NREP: variants seen among roughly 807,000 people sequenced by gnomAD.
The protein encoded by NREP is neuronal regeneration-related protein.
In NREP, 5 loss-of-function variants were observed where a neutral mutation model predicts 8.6. That is an observed-to-expected ratio of 0.58 (90% CI 0.30 to 1.22). The LOEUF is 1.22. Among genes scored for constraint, NREP ranks in the 50% most tolerant of loss-of-function variants. The pLI, the probability that NREP is intolerant of heterozygous loss-of-function variation, is 0.07. For missense variants in NREP, 86 were observed against 82.5 expected, an observed-to-expected ratio of 1.04 and a Z score of -0.17; for synonymous variants, 27 against 28.0, an observed-to-expected ratio of 0.96 and a Z score of 0.11.
chr5:111,756,569 C>G (rs1340787381), intron 1 of NREP, among the ~76,000 whole-genome samples: 1 of 152,070 alleles, frequency 6.6e-6, no homozygotes, highest in Non-Finnish European at 1.5e-5. Flanking sequence ...AAATGCACAT[C>G]AGATTATTAT....
chr5:111,895,458 G>GA (rs1204710959), intron 2 of NREP, among the ~76,000 whole-genome samples: 2 of 151,892 alleles, frequency 1.3e-5, no homozygotes, highest in East Asian at 3.9e-4. Context: ...CAGTGCCATG[G>GA]AAAAAAAATT....
chr5:111,790,946 A>T (rs962468507), intron 2 of NREP, among the ~76,000 whole-genome samples: 1 of 152,184 alleles, frequency 6.6e-6, no homozygotes, highest in Non-Finnish European at 1.5e-5. Flanking sequence ...ATGTGGGTTC[A>T]GCAGGGCCAA....
intron 2 of NREP, among the ~76,000 whole-genome samples, chr5:111,892,190 A>G (rs1364469985): frequency 6.6e-6 from 1 of 152,248 alleles, no homozygotes; most frequent in Non-Finnish European, 1.5e-5. Context: ...GCATATGAAT[A>G]CATTACTATG....
chr5:111,964,125 T>C (rs1470908571), intron 2 of NREP, among the ~76,000 whole-genome samples: 2 of 152,234 alleles, frequency 1.3e-5, no homozygotes, highest in Non-Finnish European at 2.9e-5. Flanking sequence ...ATGTATGTAA[T>C]AGCCGTTCCC....
intron 2 of NREP, among the ~76,000 whole-genome samples, chr5:111,763,783 T>C (rs1304023333): frequency 1.3e-5 from 2 of 152,378 alleles, no homozygotes; most frequent in Admixed American, 6.5e-5. Flanking sequence ...TGTTTGTGTG[T>C]GCGCGCACGC....
intron 2 of NREP, among the ~76,000 whole-genome samples, chr5:111,747,394 T>C (rs566292477): frequency 6.6e-6 from 1 of 152,298 alleles, no homozygotes; most frequent in African/African-American, 2.4e-5. Context: ...GTTCAGCCAC[T>C]GGACTGTAGT....
At chr5:111,904,746 T>C (rs1193126403) in intron 2 of NREP, among the ~76,000 whole-genome samples, 1 of 152,108 alleles carries the variant, frequency 6.6e-6, no homozygotes, top group African/African-American at 2.4e-5. Flanking sequence ...GCTATCTAAA[T>C]AAAGACAGCA....
chr5:111,866,777 A>T (rs1753674533), intron 2 of NREP, among the ~76,000 whole-genome samples: 1 of 152,138 alleles, frequency 6.6e-6, no homozygotes, highest in African/African-American at 2.4e-5. Flanking sequence ...TGGATTAAGA[A>T]AATGTGGCAC....
intron 2 of NREP, among the ~76,000 whole-genome samples, chr5:111,861,584 G>A (rs1418609365): frequency 2.0e-5 from 3 of 152,078 alleles, no homozygotes; most frequent in African/African-American, 7.2e-5. Flanking sequence ...AAACATTACT[G>A]TGTCATTTTA....
chr5:111,875,951 A>G (rs1018968998), intron 2 of NREP, among the ~76,000 whole-genome samples: 4 of 152,336 alleles, frequency 2.6e-5, no homozygotes, highest in South Asian at 2.1e-4. Flanking sequence ...GGTTTTATAC[A>G]TGAGCTGGTG....
intron 2 of NREP, among the ~76,000 whole-genome samples, chr5:111,866,843 T>C (rs533678380): frequency 0.019 from 2,921 of 151,952 alleles, 44 homozygotes; most frequent in Non-Finnish European, 0.027. Flanking sequence ...ATGTCCTTTG[T>C]AGGGACATGG....
At chr5:111,757,080 C>T (rs1358582276) in intron 1 of NREP, 56 bp downstream of exon 1, 14 of 402,140 alleles carry the variant, frequency 3.5e-5, no homozygotes, top group African/African-American at 2.6e-4. Context: ...GGCAAGGAAT[C>T]GACACAAAAG....
At chr5:111,881,668 T>C (rs1581187567) in intron 2 of NREP, among the ~76,000 whole-genome samples, 1 of 152,190 alleles carries the variant, frequency 6.6e-6, no homozygotes, top group South Asian at 2.1e-4. Context: ...GCATTTGCGG[T>C]CCATGAAAAT....
intron 2 of NREP, among the ~76,000 whole-genome samples, chr5:111,772,172 C>A (rs1259218449): frequency 6.6e-6 from 1 of 152,116 alleles, no homozygotes; most frequent in African/African-American, 2.4e-5. Flanking sequence ...AATTTACAAG[C>A]TAGGTTTTCT....
At chr5:111,965,550 C>T (rs1756619497) in intron 2 of NREP, among the ~76,000 whole-genome samples, 2 of 152,158 alleles carry the variant, frequency 1.3e-5, no homozygotes, top group African/African-American at 4.8e-5. Flanking sequence ...CCCAGCTCCA[C>T]AATTAACTCA....
intron 2 of NREP, among the ~76,000 whole-genome samples, chr5:111,799,824 T>C (rs2112902549): frequency 6.6e-6 from 1 of 152,368 alleles, no homozygotes; most frequent in South Asian, 2.1e-4. Flanking sequence ...ATAGTCCACT[T>C]GTCTGGAGTA....
intron 2 of NREP, among the ~76,000 whole-genome samples, chr5:111,765,412 T>C (rs1291053845): frequency 6.6e-6 from 1 of 152,200 alleles, no homozygotes; most frequent in Non-Finnish European, 1.5e-5. Context: ...CTAGACTGCA[T>C]AAGCCCTAAT....
At chr5:111,936,341 C>T (rs756849423) in intron 2 of NREP, among the ~76,000 whole-genome samples, 1 of 152,052 alleles carries the variant, frequency 6.6e-6, no homozygotes, top group Non-Finnish European at 1.5e-5. Flanking sequence ...TCCTCCTTCA[C>T]ACACTCTCTC....
intron 2 of NREP, among the ~76,000 whole-genome samples, chr5:111,947,374 CATA>C (rs542562378): frequency 9.0e-4 from 137 of 151,824 alleles, no homozygotes; most frequent in Non-Finnish European, 1.7e-3. Context: ...AGAAATATGA[CATA>C]ATAAATAATG....
Sources: allele counts gnomAD v4.1 joint callset (sites outside exome capture counted in the v4.1 genomes callset), GRCh38; gene constraint gnomAD v4.1.1; transcripts MANE v1.5; gene names NCBI Gene and HGNC (gene_info 2026-07-23, HGNC 2026-07-21).